PHLDB2: variants seen among roughly 807,000 people sequenced by gnomAD.
PHLDB2 encodes pleckstrin homology-like domain family B member 2.
Under a neutral mutation model 123.6 loss-of-function variants are expected in PHLDB2, and 71 were observed. The observed-to-expected ratio is 0.57, with a 90% CI of 0.47 to 0.70. The LOEUF (loss-of-function observed/expected upper bound fraction) is 0.70, where lower values mean the gene tolerates loss of function less well. Among genes scored for constraint, PHLDB2 ranks in the 30% least tolerant of loss-of-function variants. The pLI is 0.00. For missense variants in PHLDB2, 1,446 were observed against 1,519.5 expected, an observed-to-expected ratio of 0.95 and a Z score of 0.80; for synonymous variants, 547 against 541.6, an observed-to-expected ratio of 1.01 and a Z score of -0.14.
chr3:111,848,303 C>A (rs1470229728), intron 2 of PHLDB2, among the ~76,000 whole-genome samples: 1 of 152,122 alleles, frequency 6.6e-6, no homozygotes, highest in Non-Finnish European at 1.5e-5. Flanking sequence ...GGTAAGGTTA[C>A]CCCCCGCCAC....
At chr3:111,861,358 C>T (rs901746583) in intron 1 of PHLDB2, among the ~76,000 whole-genome samples, 1 of 152,194 alleles carries the variant, frequency 6.6e-6, no homozygotes, top group Non-Finnish European at 1.5e-5. Flanking sequence ...GAAATTTAAA[C>T]ATTACATGTA....
At chr3:111,805,617 A>T (rs2108295189) in intron 1 of PHLDB2, among the ~76,000 whole-genome samples, 1 of 150,000 alleles carries the variant, frequency 6.7e-6, no homozygotes, top group Non-Finnish European at 1.5e-5. Flanking sequence ...GGTCTCATAA[A>T]CAGCAAGCTT....
chr3:111,844,257 G>C (rs2063836330), intron 1 of PHLDB2, among the ~76,000 whole-genome samples: 2 of 151,996 alleles, frequency 1.3e-5, no homozygotes, highest in Admixed American at 1.3e-4. Flanking sequence ...AAACAAACTT[G>C]TCTTGATCTG....
intron 13 of PHLDB2, among the ~76,000 whole-genome samples, chr3:111,964,622 G>A (rs953517375): frequency 1.2e-4 from 18 of 151,890 alleles, no homozygotes; most frequent in African/African-American, 3.9e-4. Context: ...GATTACAGGC[G>A]TGAGCCACGT....
intron 1 of PHLDB2, among the ~76,000 whole-genome samples, chr3:111,733,985 G>A (rs193296105): frequency 6.4e-4 from 97 of 152,294 alleles, no homozygotes; most frequent in Non-Finnish European, 1.2e-3. Flanking sequence ...TCAATCAGTT[G>A]TGGAACTGAA....
intron 17 of PHLDB2, 29 bp downstream of exon 17, chr3:111,973,846 A>G (rs2895388): frequency 0.21 from 277,464 of 1,336,230 alleles, 29,143 homozygotes; most frequent in Middle Eastern, 0.28. Flanking sequence ...AATTCCTACA[A>G]TTTGAATGCA....
At chr3:111,764,060 C>A (rs2060037990) in intron 1 of PHLDB2, among the ~76,000 whole-genome samples, 1 of 152,148 alleles carries the variant, frequency 6.6e-6, no homozygotes, top group Non-Finnish European at 1.5e-5. Flanking sequence ...TTCAGACAGA[C>A]CTGCACATGA....
chr3:111,893,130 G>GGCTAT (rs2066602833), intron 2 of PHLDB2, among the ~76,000 whole-genome samples: 1 of 151,688 alleles, frequency 6.6e-6, no homozygotes, highest in African/African-American at 2.4e-5. Context: ...AGACCTTTTT[G>GGCTAT]GCTATGTTGA....
intron 10 of PHLDB2, among the ~76,000 whole-genome samples, chr3:111,950,614 A>T (rs2070651202): frequency 6.6e-6 from 1 of 152,130 alleles, no homozygotes; most frequent in Admixed American, 6.5e-5. Flanking sequence ...CAAAAAAAAA[A>T]TTTGTTTTGA....
chr3:111,911,676 G>A, intron 2 of PHLDB2: 1 of 1,536,354 alleles, frequency 6.5e-7, no homozygotes, highest in Admixed American at 2.0e-5. Context: ...AAGAGGCCAT[G>A]AGGACGGAGC....
In PHLDB2 at chr3:111,758,902, G is replaced by A. The variant is rs1004015647; in HGVS notation, c.-49+26199G>A. ...GATGGTTTTATAAGCTACTAGATGC[G>A]GCACAGACAGAGACAACAAGCTATG... On this transcript the variant is annotated intron_variant, in intron 1 of 17. Coordinates refer to the PHLDB2 transcript ENST00000393923. 2.9e-4 allele frequency among the ~76,000 whole-genome samples: 44 copies of A among 152,106 alleles called. 1 individual carries two copies. The highest frequency in any genetic ancestry group is 9.9e-4 in the African/African-American group (41 of 41,472).
At chr3:111,898,592 A>G (rs1242332738) in intron 2 of PHLDB2, among the ~76,000 whole-genome samples, 1 of 152,182 alleles carries the variant, frequency 6.6e-6, no homozygotes. Flanking sequence ...CGCTTTACCC[A>G]CAGTAGAACT....
chr3:111,901,148 A>T (rs2067174486), intron 2 of PHLDB2, among the ~76,000 whole-genome samples: 1 of 152,144 alleles, frequency 6.6e-6, no homozygotes, highest in Non-Finnish European at 1.5e-5. Flanking sequence ...TCACGAGGTC[A>T]GGAGATTGAG....
intron 8 of PHLDB2, among the ~76,000 whole-genome samples, chr3:111,941,946 C>T (rs957537187): frequency 1.3e-5 from 2 of 152,196 alleles, no homozygotes; most frequent in African/African-American, 4.8e-5. Flanking sequence ...CTTTTTCCCA[C>T]CTCGAAGTCT....
At chr3:111,911,689 C>T in intron 2 of PHLDB2, 1 of 1,536,280 alleles carries the variant, frequency 6.5e-7, no homozygotes, top group Non-Finnish European at 8.7e-7. Flanking sequence ...GACGGAGCTG[C>T]AGCTGGAGTC....
chr3:111,891,518 C>T (rs891698694), intron 2 of PHLDB2, among the ~76,000 whole-genome samples: 3 of 151,754 alleles, frequency 2.0e-5, no homozygotes, highest in Non-Finnish European at 4.4e-5. Flanking sequence ...GGAAAACAAG[C>T]TCAGGGCTCC....
chr3:111,807,364 A>G (rs1026333063), intron 1 of PHLDB2, among the ~76,000 whole-genome samples: 2 of 152,218 alleles, frequency 1.3e-5, no homozygotes, highest in South Asian at 2.1e-4. Context: ...AGGGAAAGTC[A>G]TAAATGTTGG....
chr3:111,795,811 G>A (rs1467605940), intron 1 of PHLDB2, among the ~76,000 whole-genome samples: 2 of 152,014 alleles, frequency 1.3e-5, no homozygotes, highest in Admixed American at 1.3e-4. Flanking sequence ...TGCAACCTCC[G>A]CTTCCCGGGA....
At chr3:111,789,780 T>C (rs1404556385) in intron 1 of PHLDB2, among the ~76,000 whole-genome samples, 3 of 152,160 alleles carry the variant, frequency 2.0e-5, no homozygotes, top group African/African-American at 4.8e-5. Flanking sequence ...CGTGCCAAAA[T>C]TGGACAAGCT....
Sources: gnomAD v4.1 joint callset for allele counts (sites outside exome capture counted in the v4.1 genomes callset) on GRCh38, gnomAD v4.1.1 for gene constraint, MANE v1.5 for transcripts, NCBI Gene and HGNC (gene_info 2026-07-23, HGNC 2026-07-21) for gene names.